Variants in SLC8A3 observed in about 807,000 individuals in gnomAD.
SLC8A3 encodes the protein solute carrier family 8 member A3.
Under a neutral mutation model 65.4 loss-of-function variants are expected in SLC8A3, and 37 were observed. The ratio of observed to expected loss-of-function variants is 0.57; its 90% CI spans 0.44 to 0.74. The LOEUF is 0.74. Among genes scored for constraint, SLC8A3 ranks in the 30% least tolerant of loss-of-function variants. The pLI is 0.00. For synonymous variants in SLC8A3, 461 were observed against 444.5 expected, an observed-to-expected ratio of 1.04 and a Z score of -0.47; for missense variants, 1,112 against 1,172.1, an observed-to-expected ratio of 0.95 and a Z score of 0.75.
chr14:70,158,507 G>A (rs1205837354), intron 2 of SLC8A3, among the ~76,000 whole-genome samples: 2 of 152,156 alleles, frequency 1.3e-5, no homozygotes, highest in African/African-American at 4.8e-5. Flanking sequence ...TTACTATTTG[G>A]ATGTCACTTA....
At position 70,112,322 on chromosome 14, in the gene SLC8A3, C is replaced by T. The variant is rs80207362; in HGVS notation, c.1785-51383G>A. ...CTCGGAATAAATCACCTCTTGAGGACGAGGCACTGGGGTGGATCTGGGGCC... is the reference window on the plus strand; with the variant it reads ...CTCGGAATAAATCACCTCTTGAGGATGAGGCACTGGGGTGGATCTGGGGCC... On this transcript the variant is annotated intron_variant, in intron 2 of 6. Transcript: ENST00000356921. Among the ~76,000 whole-genome samples the T allele has an allele frequency of 6.8e-4, 103 of 152,192 alleles. 1 individual carries two copies. The East Asian group carries it at 0.017, about 25-fold the overall frequency.
intron 2 of SLC8A3, among the ~76,000 whole-genome samples, chr14:70,164,744 G>A (rs1398561670): frequency 6.6e-6 from 1 of 152,136 alleles, no homozygotes; most frequent in Non-Finnish European, 1.5e-5. Flanking sequence ...TCAAATTATG[G>A]CAAATTTTGT....
chr14:70,153,722 T>C (rs1204474775), intron 2 of SLC8A3, among the ~76,000 whole-genome samples: 1 of 152,208 alleles, frequency 6.6e-6, no homozygotes, highest in African/African-American at 2.4e-5. Flanking sequence ...TCCGCTCTCC[T>C]GTTGCTTCTG....
chr14:70,051,172 T>C, intron 4 of SLC8A3, 65 bp from the exon 5 acceptor site: 1 of 1,110,568 alleles, frequency 9.0e-7, no homozygotes, highest in South Asian at 1.3e-5. Context: ...AGGAGTCTGG[T>C]TCTTCAAAGG....
At chr14:70,072,615 A>C (rs1890113298) in intron 2 of SLC8A3, among the ~76,000 whole-genome samples, 1 of 151,782 alleles carries the variant, frequency 6.6e-6, no homozygotes, top group South Asian at 2.1e-4. Flanking sequence ...CCATCCATCC[A>C]TCCATCCATC....
At chr14:70,136,507 T>C (rs1895211041) in intron 2 of SLC8A3, among the ~76,000 whole-genome samples, 1 of 152,202 alleles carries the variant, frequency 6.6e-6, no homozygotes, top group South Asian at 2.1e-4. Context: ...TTTGGCATGT[T>C]CTAGAACATA....
intron 2 of SLC8A3, among the ~76,000 whole-genome samples, chr14:70,092,287 G>A (rs1365838470): frequency 2.0e-5 from 3 of 152,032 alleles, no homozygotes; most frequent in South Asian, 2.1e-4. Context: ...GTCATTCTTT[G>A]AGGGTGTGCT....
At chr14:70,185,790 ATAAAT>A (rs1489681792) in intron 1 of SLC8A3, among the ~76,000 whole-genome samples, 1 of 152,220 alleles carries the variant, frequency 6.6e-6, no homozygotes, top group African/African-American at 2.4e-5. Flanking sequence ...AATCACATAC[ATAAAT>A]TTAATGGGCG....
chr14:70,131,254 A>G (rs183839699), intron 2 of SLC8A3, among the ~76,000 whole-genome samples: 1 of 152,330 alleles, frequency 6.6e-6, no homozygotes, highest in East Asian at 1.9e-4. Flanking sequence ...AAGTGGGGGC[A>G]CAGAGACTGT....
Position 70,168,114 on chromosome 14 carries a change from T to C in SLC8A3, c.309A>G (p.Glu103=). 5.0e-6 allele frequency: 8 copies of C among 1,614,174 alleles called. No homozygotes were observed. Among genetic ancestry groups the C allele is most frequent in the Non-Finnish European group, 6.8e-6 (8 of 1,180,022 alleles). ...CCTCCCTCTCTTGAGAGGTGATGAC[T>C]TCAATAGATGCCATGAAGCGGTCAG... ...IIADRFMASI[E]VITSQEREVT... is the part of the protein sequence containing the mutation. The change falls in exon 2 of 7, where the codon GAA becomes GAG. Residue 103 remains glutamate (E), a synonymous_variant. Coordinates refer to ENST00000356921, the MANE Select transcript of SLC8A3 (RefSeq NM_182932.3).
chr14:70,177,832 G>A (rs1897999579), intron 1 of SLC8A3, among the ~76,000 whole-genome samples: 2 of 152,154 alleles, frequency 1.3e-5, no homozygotes, highest in South Asian at 4.1e-4. Context: ...TTTTGGATAG[G>A]CAACCTAGAG....
At chr14:70,056,278 A>G (rs190776932) in intron 3 of SLC8A3, among the ~76,000 whole-genome samples, 3 of 152,296 alleles carry the variant, frequency 2.0e-5, no homozygotes, top group Non-Finnish European at 4.4e-5. Context: ...CTTGAATGGG[A>G]GCTCAAGGAA....
intron 2 of SLC8A3, among the ~76,000 whole-genome samples, chr14:70,084,057 C>A (rs895612324): frequency 1.1e-4 from 17 of 152,192 alleles, no homozygotes; most frequent in Non-Finnish European, 7.3e-5. Context: ...CCTCTATATT[C>A]TCATCTATAA....
chr14:70,099,835 A>G (rs2092964750), intron 2 of SLC8A3, among the ~76,000 whole-genome samples: 1 of 152,194 alleles, frequency 6.6e-6, no homozygotes, highest in South Asian at 2.1e-4. Context: ...GTCGTTTAAA[A>G]AGCATCTGAT....
chr14:70,068,981 G>A (rs1356010648), intron 2 of SLC8A3, among the ~76,000 whole-genome samples: 1 of 152,150 alleles, frequency 6.6e-6, no homozygotes, highest in Non-Finnish European at 1.5e-5. Flanking sequence ...GCCTTCCAAG[G>A]TGCTGGGATT....
intron 1 of SLC8A3, among the ~76,000 whole-genome samples, chr14:70,177,634 C>G (rs1258728743): frequency 6.6e-6 from 1 of 152,208 alleles, no homozygotes; most frequent in Non-Finnish European, 1.5e-5. Flanking sequence ...GAAGCCCGAA[C>G]AAGCAGCGTC....
At chr14:70,184,753 C>T (rs1883044875) in intron 1 of SLC8A3, among the ~76,000 whole-genome samples, 1 of 152,168 alleles carries the variant, frequency 6.6e-6, no homozygotes, top group Admixed American at 6.6e-5. Flanking sequence ...AGGAAAGAGG[C>T]CATTCTATTT....
intron 2 of SLC8A3, among the ~76,000 whole-genome samples, chr14:70,113,342 T>C (rs1022156430): frequency 2.0e-5 from 3 of 152,204 alleles, no homozygotes; most frequent in African/African-American, 7.2e-5. Flanking sequence ...GGTAAGTATG[T>C]GTGTATCTAA....
intron 2 of SLC8A3, among the ~76,000 whole-genome samples, chr14:70,136,068 A>G (rs1488931409): frequency 1.3e-5 from 2 of 152,198 alleles, no homozygotes; most frequent in Non-Finnish European, 2.9e-5. Context: ...AAATAAATAA[A>G]TAAAAACTTC....
Sources: gnomAD v4.1 joint callset for allele counts (sites outside exome capture counted in the v4.1 genomes callset) on GRCh38, gnomAD v4.1.1 for gene constraint, MANE v1.5 for transcripts, NCBI Gene and HGNC (gene_info 2026-07-23, HGNC 2026-07-21) for gene names.